The following ARPC2 variants were observed in gnomAD, a reference collection of about 807,000 sequenced individuals.
ARPC2 encodes the protein actin-related protein 2/3 complex subunit 2.
A neutral mutation model predicts 38.6 loss-of-function variants in ARPC2; 4 were observed. That is an observed-to-expected ratio of 0.10 (90% confidence interval 0.05 to 0.24). ARPC2 has a LOEUF of 0.24. Ranked by LOEUF, ARPC2 falls within the 10% of genes least tolerant of loss-of-function variation. The pLI, the probability that ARPC2 is intolerant of heterozygous loss-of-function variation, is 1.00. For synonymous variants in ARPC2, 125 were observed against 140.8 expected (o/e 0.89, Z 0.79); for missense variants, 229 against 387.3 (o/e 0.59, Z 3.43).
Position 218,245,560 on chromosome 2 carries a change from A to C in ARPC2, c.676+14A>C, listed in dbSNP as rs767853202. 2 of 1,613,840 alleles carry C rather than the reference A, an allele frequency of 1.2e-6. No homozygotes were observed. Among genetic ancestry groups the C allele is most frequent in the African/African-American group, 2.7e-5 (2 of 74,934 alleles). Reference sequence around the variant, plus strand: ...ACATTACCTTTGGTGAGCAGGGTGCACTTGCTGCTTTTGTGCCGCTTTAAT... The same window carrying C: ...ACATTACCTTTGGTGAGCAGGGTGCCCTTGCTGCTTTTGTGCCGCTTTAAT... On this transcript the variant is annotated intron_variant, in intron 8 of 10. Coordinates refer to ENST00000315717, the MANE Select transcript of ARPC2 (RefSeq NM_152862.3).
rs144468778 is a variant in ARPC2, at chr2:218,225,946, C to T, written c.101C>T (p.Thr34Ile). 6.2e-7 allele frequency: 1 copy of T among 1,613,508 alleles called. No individual in the cohort carries two copies. Among genetic ancestry groups the T allele is most frequent in the Non-Finnish European group, 8.5e-7 (1 of 1,179,684 alleles). ...AGNKPEAVEV[T>I]FADFDGVLYH... ...AACAAACCGGAAGCAGTAGAAGTAA[C>T]ATTTGCAGGTAAGCATCTTTATCTC... Residue 34 changes from threonine to isoleucine, a missense_variant, in exon 3 of 11, where the codon ACA becomes ATA. Thr to Ile is a moderately conservative substitution (Grantham distance 89). This residue lies in a region of ARPC2 where 135 missense variants were observed against 214.1 expected (regional missense o/e 0.63). Transcript: ENST00000315717.
intron 8 of ARPC2, among the ~76,000 whole-genome samples, chr2:218,248,556 GT>G (rs1690102777): frequency 6.6e-6 from 1 of 152,198 alleles, no homozygotes; most frequent in African/African-American, 2.4e-5. Flanking sequence ...CACCCCCCGG[GT>G]TTAAGCGATT....
intron 10 of ARPC2, 146 bp from the exon 11 acceptor site, chr2:218,253,745 T>G (rs761325802): frequency 5.1e-5 from 50 of 987,716 alleles, no homozygotes; most frequent in Non-Finnish European, 6.9e-5. Context: ...GCCGATGTCC[T>G]GTGGTTCCAG....
At chr2:218,251,604 C>G (rs938713615) in intron 10 of ARPC2, among the ~76,000 whole-genome samples, 1 of 152,102 alleles carries the variant, frequency 6.6e-6, no homozygotes, top group Non-Finnish European at 1.5e-5. Context: ...CAGGCATGCA[C>G]CATCACAGCT....
chr2:218,244,340 G>A (rs1465351586), intron 7 of ARPC2, among the ~76,000 whole-genome samples: 1 of 152,202 alleles, frequency 6.6e-6, no homozygotes, highest in African/African-American at 2.4e-5. Flanking sequence ...TGTCGAGAGG[G>A]CTTGCTAATC....
Position 218,219,636 on chromosome 2 carries a change from C to T in ARPC2, c.74+2092C>T, listed in dbSNP as rs1317778428. On this transcript the variant is annotated intron_variant, in intron 2 of 10. Coordinates refer to ENST00000315717, the MANE Select transcript of ARPC2 (RefSeq NM_152862.3). ...AAGTGCTGGGATTACAGCACTGCTCCTTTCCTCAGGACATTTTTTACAAAG... is the reference window on the plus strand; with the variant it reads ...AAGTGCTGGGATTACAGCACTGCTCTTTTCCTCAGGACATTTTTTACAAAG... Among the ~76,000 whole-genome samples the T allele has an allele frequency of 2.0e-5, 3 of 152,292 alleles. No homozygotes were observed. The East Asian group carries it at 5.8e-4, about 29-fold the overall frequency.
intron 8 of ARPC2, among the ~76,000 whole-genome samples, chr2:218,246,085 C>T (rs1170457528): frequency 6.6e-6 from 1 of 151,854 alleles, no homozygotes; most frequent in Non-Finnish European, 1.5e-5. Context: ...GGCATGGTGG[C>T]GCACGTCTGT....
chr2:218,246,171 C>G (rs1406439184), intron 8 of ARPC2, among the ~76,000 whole-genome samples: 4 of 150,302 alleles, frequency 2.7e-5, no homozygotes, highest in Admixed American at 6.7e-5. Context: ...GAGCTGAGAT[C>G]GTGCCACTGG....
Position 218,249,368 on chromosome 2 carries a change from G to C in ARPC2, c.681G>C (p.Leu227=), listed in dbSNP as rs1423827737. The C allele has an allele frequency of 1.2e-6, 2 of 1,611,566 alleles. No individual in the cohort carries two copies. The highest frequency in any genetic ancestry group is 1.7e-6 in the Non-Finnish European group (2 of 1,178,762). ...GTTTGTGTCTTCCGCCTTCAGTGCTGTTCCCTCGTCACACCAATGCCAGTG... is the reference window on the plus strand; with the variant it reads ...GTTTGTGTCTTCCGCCTTCAGTGCTCTTCCCTCGTCACACCAATGCCAGTG... The part of the protein sequence containing the change: ...GDNIGYITFV[L]FPRHTNASAR... The change falls in exon 9 of 11, where the codon CTG becomes CTC. Residue 227 remains leucine, a synonymous_variant. Transcript: ENST00000315717.
intron 4 of ARPC2, among the ~76,000 whole-genome samples, chr2:218,230,270 C>G (rs1004493803): frequency 1.2e-4 from 18 of 147,748 alleles, no homozygotes; most frequent in African/African-American, 4.6e-4. Context: ...CCGTGCCCAG[C>G]CTTTTCTTTT....
rs1668740133 is a variant in ARPC2 at position 218,245,285 on chromosome 2, G to GT, written c.550-134dup. 4.7e-6 allele frequency: 5 copies of GT among 1,074,054 alleles called. No homozygotes were observed. The South Asian group carries it at 7.6e-5, about 16-fold the overall frequency. The allele number at this position is 1,074,054 out of a possible 1,614,324, so 66.5% of individuals were successfully genotyped here. On this transcript the variant is annotated intron_variant, in intron 7 of 10. Coordinates refer to ENST00000315717, the MANE Select transcript of ARPC2 (RefSeq NM_152862.3). ...TAGCACTTGTCATATTTCAGGTTTG[G>GT]TGTAGTTTATTTTTAACCTCCTGCT...
intron 4 of ARPC2, among the ~76,000 whole-genome samples, chr2:218,231,004 C>A (rs1043855129): frequency 2.6e-5 from 4 of 152,186 alleles, no homozygotes; most frequent in African/African-American, 9.7e-5. Flanking sequence ...GGTCAAAGAA[C>A]CAGCCCCACC....
chr2:218,249,874 G>A lies in ARPC2; in HGVS notation c.831G>A (p.Leu277=), dbSNP rs370464652. The A allele has an allele frequency of 2.2e-5, 35 of 1,613,734 alleles. No individual in the cohort carries two copies. In the Admixed American group the frequency reaches 5.5e-4, roughly 25 times the overall value. ...AAACGTCTGACTTCCTCAAGGTGCT[G>A]AACCGCGCACGCCCAGATGCCGAGA... The part of the protein sequence containing the change: ...RAKTSDFLKV[L]NRARPDAEKK... Residue 277 remains leucine (L), a synonymous_variant, in exon 10 of 11, where the codon CTG becomes CTA. Coordinates refer to ENST00000315717, the MANE Select transcript of ARPC2 (RefSeq NM_152862.3).
At chr2:218,238,467 G>C (rs1689826865) in intron 5 of ARPC2, among the ~76,000 whole-genome samples, 197 bp from the exon 6 acceptor site, 1 of 151,936 alleles carries the variant, frequency 6.6e-6, no homozygotes. Context: ...GAGATAGATG[G>C]AAATAGACTA....
chr2:218,243,609 T>C (rs948430649), intron 7 of ARPC2, among the ~76,000 whole-genome samples: 1 of 152,284 alleles, frequency 6.6e-6, no homozygotes, highest in African/African-American at 2.4e-5. Flanking sequence ...ACCCTGTTTC[T>C]ACTTTAAAGG....
intron 7 of ARPC2, among the ~76,000 whole-genome samples, chr2:218,244,607 A>G (rs1689988017): frequency 6.6e-6 from 1 of 152,252 alleles, no homozygotes. Context: ...TAGAAAAGAC[A>G]TGGCAGCTCC....
At chr2:218,237,261 G>A (rs566191029) in intron 5 of ARPC2, among the ~76,000 whole-genome samples, 7 of 151,924 alleles carry the variant, frequency 4.6e-5, no homozygotes, top group South Asian at 4.2e-4. Context: ...GTGCCGTGGC[G>A]CGATCTCAGC....
At chr2:218,218,844 C>T (rs1019230981) in intron 2 of ARPC2, among the ~76,000 whole-genome samples, 6 of 152,130 alleles carry the variant, frequency 3.9e-5, no homozygotes, top group Non-Finnish European at 8.8e-5. Context: ...TGAAGTAATA[C>T]GTGTAGTGAG....
At chr2:218,251,997 G>T (rs1309172300) in intron 10 of ARPC2, among the ~76,000 whole-genome samples, 1 of 152,158 alleles carries the variant, frequency 6.6e-6, no homozygotes, top group Non-Finnish European at 1.5e-5. Context: ...GAGGCAGGCG[G>T]ATCACCTGAG....
Sources: gnomAD v4.1 joint callset for allele counts (sites outside exome capture counted in the v4.1 genomes callset) on GRCh38, gnomAD v4.1.1 for gene constraint, gnomAD v4.1.1 regional missense constraint, MANE v1.5 for transcripts, NCBI Gene and HGNC (gene_info 2026-07-23, HGNC 2026-07-21) for gene names.